Variants in TMEM132E observed in about 807,000 individuals in gnomAD.
TMEM132E encodes transmembrane protein 132E.
A neutral mutation model predicts 78.5 loss-of-function variants in TMEM132E; 49 were observed. The observed-to-expected ratio is 0.62, with a 90% CI of 0.50 to 0.79. The LOEUF is 0.79. Among genes scored for constraint, TMEM132E ranks in the 30% least tolerant of loss-of-function variants. TMEM132E has a pLI of 0.00. For missense variants in TMEM132E, 1,403 were observed against 1,470.9 expected, an observed-to-expected ratio of 0.95 and a Z score of 0.75; for synonymous variants, 715 against 670.6, an observed-to-expected ratio of 1.07 and a Z score of -1.02.
chr17:34,637,097 C>T (rs1162298457), intron 8 of TMEM132E, 80 bp from the exon 9 acceptor site: 2 of 1,306,332 alleles, frequency 1.5e-6, no homozygotes, highest in Non-Finnish European at 2.1e-6. Flanking sequence ...GGTCCCTGCC[C>T]CTACAGAGCC....
intron 1 of TMEM132E, among the ~76,000 whole-genome samples, chr17:34,588,557 G>C (rs1462881350): frequency 6.6e-6 from 1 of 152,166 alleles, no homozygotes; most frequent in East Asian, 1.9e-4. Context: ...CACTGTTCTA[G>C]GCATTTGGTT....
rs1008713572 is a variant in TMEM132E at position 34,580,349 on chromosome 17, G to C, written c.-728G>C. On this transcript the variant is annotated 5_prime_UTR_variant, in exon 1 of 9. Coordinates refer to ENST00000631683, the MANE Select transcript of TMEM132E (RefSeq NM_001304438.2). Reference sequence around the variant, plus strand: ...CCGGCCTGTGTGGAGCCTGGGCCCTGATCCAGACTGGAGAAAGCGCGCTGG... The same window carrying C: ...CCGGCCTGTGTGGAGCCTGGGCCCTCATCCAGACTGGAGAAAGCGCGCTGG... 3 of 152,362 alleles carry C rather than the reference G, an allele frequency of 2.0e-5. No homozygotes were observed. Among genetic ancestry groups the C allele is most frequent in the Admixed American group, 6.5e-5 (1 of 15,294 alleles). The allele number at this position is 152,362 out of a possible 1,614,324, so 9.4% of individuals were successfully genotyped here.
In TMEM132E at chr17:34,636,645, C is replaced by T. The variant is rs766577237; in HGVS notation, c.2169+447C>T. On this transcript the variant is annotated intron_variant, in intron 8 of 8. Coordinates refer to ENST00000631683, the MANE Select transcript of TMEM132E (RefSeq NM_001304438.2). ...AAGTGCTGAGCCCGGAGTTAGGACACGGGTCCTCTGTCCCTAACTCACTCC... is the reference window on the plus strand; with the variant it reads ...AAGTGCTGAGCCCGGAGTTAGGACATGGGTCCTCTGTCCCTAACTCACTCC... Among the ~76,000 whole-genome samples the T allele has an allele frequency of 2.6e-5, 4 of 152,128 alleles. No individual in the cohort carries two copies. The South Asian group carries it at 6.2e-4, about 24-fold the overall frequency.
chr17:34,594,605 TTTTG>T (rs1401545245), intron 1 of TMEM132E, among the ~76,000 whole-genome samples: 1 of 152,166 alleles, frequency 6.6e-6, no homozygotes, highest in African/African-American at 2.4e-5. Context: ...GCACATGTTT[TTTTG>T]TTTGTTTGTT....
chr17:34,617,246 G>A (rs1906813858), intron 1 of TMEM132E, among the ~76,000 whole-genome samples: 2 of 152,232 alleles, frequency 1.3e-5, no homozygotes. Context: ...ACTGCCCAAG[G>A]TTACGCAGCA....
At position 34,627,206 on chromosome 17, in the gene TMEM132E, C is replaced by T. The variant is rs928784756; in HGVS notation, c.998+149C>T. The T allele has an allele frequency of 9.3e-6, 8 of 862,118 alleles. No homozygotes were observed. In the African/African-American group the frequency reaches 1.3e-4, roughly 14 times the overall value. The allele number at this position is 862,118 out of a possible 1,614,324, so 53.4% of individuals were successfully genotyped here. A position where few individuals can be genotyped will look rare whatever the true frequency, so the allele number is the denominator to read the frequency against. ...CCGGATCTGTCACTTAGCACTTGAG[C>T]AACCTCAGGAAGATACCTCGCTTAT... On this transcript the variant is annotated intron_variant, in intron 2 of 8. Transcript: ENST00000631683.
intron 1 of TMEM132E, among the ~76,000 whole-genome samples, chr17:34,591,307 A>ATTT (rs60612426): frequency 0.52 from 76,728 of 146,412 alleles, 20,248 homozygotes; most frequent in Admixed American, 0.61. Context: ...CTCCCTCACT[A>ATTT]TTTTTTTTTT....
At chr17:34,633,929 T>C (rs932584674) in intron 6 of TMEM132E, among the ~76,000 whole-genome samples, 1 of 152,220 alleles carries the variant, frequency 6.6e-6, no homozygotes, top group Non-Finnish European at 1.5e-5. Flanking sequence ...TGCTATTTAC[T>C]AGCTGTGTAA....
At chr17:34,587,233 G>T in intron 1 of TMEM132E, among the ~76,000 whole-genome samples, 1 of 152,130 alleles carries the variant, frequency 6.6e-6, no homozygotes, top group South Asian at 2.1e-4. Flanking sequence ...AGAACAGGCA[G>T]CTAGGATACC....
chr17:34,590,798 T>C (rs549775166), intron 1 of TMEM132E, among the ~76,000 whole-genome samples: 8 of 152,306 alleles, frequency 5.3e-5, no homozygotes, highest in African/African-American at 1.9e-4. Context: ...TAGAGAGTTA[T>C]GGAGTGAGGG....
chr17:34,593,475 C>T lies in TMEM132E; in HGVS notation c.67+12332C>T, dbSNP rs538727082. On this transcript the variant is annotated intron_variant, in intron 1 of 8. Transcript: ENST00000631683. ...ACAGTACAGGGCTGGATGCTGCCCACGGGCTTATCCATACCCAGTTCTCCT... is the reference window on the plus strand; with the variant it reads ...ACAGTACAGGGCTGGATGCTGCCCATGGGCTTATCCATACCCAGTTCTCCT... Among the ~76,000 whole-genome samples the T allele has an allele frequency of 9.2e-5, 14 of 152,300 alleles. No individual in the cohort carries two copies. The South Asian group carries it at 2.5e-3, about 27-fold the overall frequency.
intron 1 of TMEM132E, among the ~76,000 whole-genome samples, chr17:34,623,269 G>A (rs2142076518): frequency 6.6e-6 from 1 of 152,250 alleles, no homozygotes; most frequent in East Asian, 1.9e-4. Context: ...CTCTGCCCCT[G>A]CCGTGCCTCC....
chr17:34,625,031 C>T (rs768717930), intron 1 of TMEM132E, among the ~76,000 whole-genome samples: 1 of 152,224 alleles, frequency 6.6e-6, no homozygotes, highest in Middle Eastern at 3.4e-3. Flanking sequence ...CAGTGTCCAA[C>T]GAGTTTTGGG....
chr17:34,630,751 C>T (rs116688457), intron 5 of TMEM132E, among the ~76,000 whole-genome samples: 2,396 of 152,246 alleles, frequency 0.016, 72 homozygotes, highest in South Asian at 0.096. Flanking sequence ...GCTTCTCCAA[C>T]TCCTAAAGGC....
intron 2 of TMEM132E, among the ~76,000 whole-genome samples, chr17:34,628,142 C>A (rs573812248): frequency 6.6e-6 from 1 of 152,356 alleles, no homozygotes; most frequent in South Asian, 2.1e-4. Flanking sequence ...TTTTGAAGAA[C>A]TACTACAGTT....
chr17:34,581,556 C>T (rs1905482972), intron 1 of TMEM132E, among the ~76,000 whole-genome samples: 1 of 152,054 alleles, frequency 6.6e-6, no homozygotes, highest in African/African-American at 2.4e-5. Flanking sequence ...CGTCTTTCCT[C>T]GCCCCGGGCG....
At chr17:34,624,196 T>C (rs1466061221) in intron 1 of TMEM132E, among the ~76,000 whole-genome samples, 2 of 152,286 alleles carry the variant, frequency 1.3e-5, no homozygotes, top group African/African-American at 4.8e-5. Flanking sequence ...AAGGAATTTT[T>C]AGTTCACCGC....
At chr17:34,617,304 C>T (rs544297714) in intron 1 of TMEM132E, among the ~76,000 whole-genome samples, 1 of 152,366 alleles carries the variant, frequency 6.6e-6, no homozygotes, top group African/African-American at 2.4e-5. Context: ...CCCTCAACAG[C>T]TGGCACTCCT....
chr17:34,626,351 A>G lies in TMEM132E; in HGVS notation c.292A>G (p.Ser98Gly), dbSNP rs1156294124. ...CCTCAACGTCTCTCTGGGGCCCTTCAGCACCAGCCAGGTGGTGGCGCGGGA... is the reference window on the plus strand; with the variant it reads ...CCTCAACGTCTCTCTGGGGCCCTTCGGCACCAGCCAGGTGGTGGCGCGGGA... ...PVLNVSLGPF[S>G]TSQVVARELL... Residue 98 changes from serine to glycine, a missense_variant, in exon 2 of 9, where the codon AGC (serine) becomes GGC (glycine). By Grantham distance (56) the Ser-to-Gly change is moderately conservative. Coordinates refer to ENST00000631683, the MANE Select transcript of TMEM132E (RefSeq NM_001304438.2). 6.2e-7 allele frequency: 1 copy of G among 1,613,112 alleles called. No homozygotes were observed. The highest frequency in any genetic ancestry group is 8.5e-7 in the Non-Finnish European group (1 of 1,179,662).
Sources: allele counts gnomAD v4.1 joint callset (sites outside exome capture counted in the v4.1 genomes callset), GRCh38; gene constraint gnomAD v4.1.1; transcripts MANE v1.5; gene names NCBI Gene and HGNC (gene_info 2026-07-23, HGNC 2026-07-21).